WASF3: variants seen among roughly 807,000 people sequenced by gnomAD.
WASF3 encodes WASP family member 3.
Under a neutral mutation model 46.6 loss-of-function variants are expected in WASF3, and 11 were observed. That is an observed-to-expected ratio of 0.24 (90% CI 0.15 to 0.39). WASF3 has a LOEUF of 0.39. Ranked by LOEUF, WASF3 falls within the 10% of genes least tolerant of loss-of-function variation. The probability of loss-of-function intolerance (pLI) is 1.00; values close to 1 mark genes in which losing one functional copy is unlikely to be tolerated. For synonymous variants in WASF3, 242 were observed against 259.7 expected (o/e 0.93, Z 0.65); for missense variants, 576 against 669.8 (o/e 0.86, Z 1.55).
At chr13:26,668,246 GACTA>G (rs142237610) in intron 5 of WASF3, among the ~76,000 whole-genome samples, 1,606 of 152,178 alleles carry the variant, frequency 0.011, 27 homozygotes, top group African/African-American at 0.036. Context: ...AATATGAAGA[GACTA>G]ACTAAAAATG....
chr13:26,541,645 CT>C, the WASF3 span, among the ~76,000 whole-genome samples: 58,445 of 150,740 alleles, frequency 0.39, 11,530 homozygotes, highest in South Asian at 0.48. Context: ...CGGAAGCCCA[CT>C]TTTTTTTTTC....
intron 1 of WASF3, among the ~76,000 whole-genome samples, chr13:26,604,703 T>TTA (rs1880741477): frequency 1.3e-5 from 2 of 152,314 alleles, no homozygotes; most frequent in Admixed American, 1.3e-4. Flanking sequence ...TGAATTCTAG[T>TTA]TATAGGGTTC....
intron 1 of WASF3, among the ~76,000 whole-genome samples, chr13:26,595,775 A>G (rs1047289705): frequency 1.3e-5 from 2 of 152,104 alleles, no homozygotes; most frequent in African/African-American, 4.8e-5. Flanking sequence ...TACTTTTTTC[A>G]CTAAGCAAAA....
intron 1 of WASF3, among the ~76,000 whole-genome samples, chr13:26,608,109 G>A (rs974933619): frequency 7.2e-6 from 1 of 139,424 alleles, no homozygotes; most frequent in African/African-American, 2.7e-5. Context: ...AGTGGTTGAT[G>A]TGGTCCAGAT....
chr13:26,616,522 TGTAG>T, intron 2 of WASF3, among the ~76,000 whole-genome samples: 1 of 152,234 alleles, frequency 6.6e-6, no homozygotes, highest in Non-Finnish European at 1.5e-5. Context: ...ATATATGATT[TGTAG>T]TTTTATTCAT....
At chr13:26,662,390 A>G (rs1284887280) in intron 3 of WASF3, among the ~76,000 whole-genome samples, 1 of 152,258 alleles carries the variant, frequency 6.6e-6, no homozygotes, top group Non-Finnish European at 1.5e-5. Flanking sequence ...TAAGAAAGAC[A>G]TGGAATCCAC....
At chr13:26,559,816 T>TTCATTCTTTCTTTC (rs1879233379) in intron 1 of WASF3, among the ~76,000 whole-genome samples, 1 of 55,076 alleles carries the variant, frequency 1.8e-5, no homozygotes, top group African/African-American at 6.0e-5. Flanking sequence ...TTCTTTTTTT[T>TTCATTCTTTCTTTC]TTTTTTTTTT....
Position 26,633,200 on chromosome 13 carries a change from C to CTTTTTTTTTTTTTTTTTTTTT in WASF3, c.-10-9045_-10-9044insTTTTTTTTTTTTTTTTTTTTT, listed in dbSNP as rs58237286. On this transcript the variant is annotated intron_variant, in intron 2 of 9. Coordinates refer to ENST00000335327, the MANE Select transcript of WASF3 (RefSeq NM_006646.6). The stretch of plus-strand genomic sequence containing the variant: ...AGTTCTGTTTTGATCTTAGTTATTT[C>CTTTTTTTTTTTTTTTTTTTTT]TTTTTTTTTTTTTTTTCTTGAGGCA... Among the ~76,000 whole-genome samples the CTTTTTTTTTTTTTTTTTTTTT allele has an allele frequency of 4.1e-4, 37 of 90,432 alleles. 1 individual carries two copies. The highest frequency in any genetic ancestry group is 8.7e-4 in the African/African-American group (21 of 24,170). 59.3% of individuals were successfully genotyped at this position (90,432 alleles called of 152,430 possible).
intron 1 of WASF3, among the ~76,000 whole-genome samples, chr13:26,592,311 AT>A (rs1880327521): frequency 6.6e-6 from 1 of 152,094 alleles, no homozygotes; most frequent in African/African-American, 2.4e-5. Context: ...GCGGGAGTGA[AT>A]CTGTTTTATT....
chr13:26,632,045 TA>T (rs1462636973), intron 2 of WASF3, among the ~76,000 whole-genome samples: 1 of 152,266 alleles, frequency 6.6e-6, no homozygotes, highest in Admixed American at 6.5e-5. Context: ...TTTGCTGAAG[TA>T]GCTTATCAGC....
chr13:26,583,259 G>A (rs781771396), intron 1 of WASF3, among the ~76,000 whole-genome samples: 6 of 152,192 alleles, frequency 3.9e-5, no homozygotes, highest in Non-Finnish European at 7.3e-5. Context: ...ATGGGGACAA[G>A]TTCCAAAGGG....
rs61944919 is a variant in WASF3, at chr13:26,607,112, G to A, written c.-108-5849G>A. 4.0e-3 allele frequency among the ~76,000 whole-genome samples: 616 copies of A among 152,196 alleles called. 2 individuals are homozygous for A. The highest frequency in any genetic ancestry group is 6.9e-3 in the Admixed American group (106 of 15,280). ...TAGTATATAGGGTTTAGTACTATCC[G>A]CAGTTTTAGGCATCTGCTGAGTGTC... On this transcript the variant is annotated intron_variant, in intron 1 of 9. Transcript: ENST00000335327.
intron 1 of WASF3, among the ~76,000 whole-genome samples, chr13:26,598,313 GT>G (rs1440908206): frequency 2.0e-5 from 3 of 152,170 alleles, no homozygotes; most frequent in South Asian, 2.1e-4. Context: ...TGATGGGGTT[GT>G]TTTTTTCTTG....
intron 2 of WASF3, 143 bp downstream of exon 2, chr13:26,613,201 A>C (rs1881029774): frequency 6.6e-6 from 1 of 150,704 alleles, no homozygotes; most frequent in Non-Finnish European, 1.5e-5. Flanking sequence ...TAATATATAA[A>C]TATTAACAGC....
Position 26,664,968 on chromosome 13 carries a change from G to T in WASF3, c.134-60G>T, listed in dbSNP as rs546106965. 4.4e-6 allele frequency: 7 copies of T among 1,581,992 alleles called. No individual in the cohort carries two copies. The East Asian group carries it at 1.1e-4, about 25-fold the overall frequency. On this transcript the variant is annotated intron_variant, in intron 3 of 9. Transcript: ENST00000335327. The stretch of plus-strand genomic sequence containing the variant: ...CAGGAATAAGCACTGGTGAGGATGT[G>T]TGAGGGCCGCTTCATCAGCTCCCTA...
chr13:26,580,840 G>T (rs996789047), intron 1 of WASF3, among the ~76,000 whole-genome samples: 30 of 151,326 alleles, frequency 2.0e-4, no homozygotes, highest in African/African-American at 7.3e-4. Context: ...GGTCAGGTTG[G>T]TCTCGAGCTC....
intron 7 of WASF3, chr13:26,680,115 G>A (rs1213520301): frequency 6.3e-7 from 1 of 1,598,280 alleles, no homozygotes; most frequent in Admixed American, 1.7e-5. Flanking sequence ...AAGAGTGGGA[G>A]AGAAGGAAAA....
rs186931580 is a variant in WASF3 at position 26,581,530 on chromosome 13, A to G, written c.-109+23711A>G. Among the ~76,000 whole-genome samples, 332 of 152,166 alleles carry G rather than the reference A, an allele frequency of 2.2e-3. 4 individuals carry two copies. The highest frequency in any genetic ancestry group is 7.6e-3 in the African/African-American group (317 of 41,524). On this transcript the variant is annotated intron_variant, in intron 1 of 9. Coordinates refer to ENST00000335327, the MANE Select transcript of WASF3 (RefSeq NM_006646.6). ...TTTGATCTATTTCCCCACAGAAATC[A>G]GTGGGAAAACTTTCACTTTTGTTCC...
Position 26,596,333 on chromosome 13 carries a change from C to CT in WASF3, c.-108-16618dup, listed in dbSNP as rs966688695. Among the ~76,000 whole-genome samples the CT allele has an allele frequency of 1.4e-3, 198 of 143,940 alleles. 2 individuals are homozygous for CT. The Middle Eastern group carries it at 0.018, about 13-fold the overall frequency. The allele number at this position is 143,940 out of a possible 152,430, so 94.4% of individuals were successfully genotyped here. A position where few individuals can be genotyped will look rare whatever the true frequency, so the allele number is the denominator to read the frequency against. On this transcript the variant is annotated intron_variant, in intron 1 of 9. Transcript: ENST00000335327. ...GCTCTTTTCATAATTGGATTGTTTACTTTTTTTTTTAAAAAAAGCTAGTTT... is the reference window on the plus strand; with the variant it reads ...GCTCTTTTCATAATTGGATTGTTTACTTTTTTTTTTTAAAAAAAGCTAGTTT...
Sources: allele counts gnomAD v4.1 joint callset (sites outside exome capture counted in the v4.1 genomes callset), GRCh38; gene constraint gnomAD v4.1.1; transcripts MANE v1.5; gene names NCBI Gene and HGNC (gene_info 2026-07-23, HGNC 2026-07-21).